SHISA9: variants seen among roughly 807,000 people sequenced by gnomAD.
The protein encoded by SHISA9 is protein shisa-9.
A neutral mutation model predicts 38.0 loss-of-function variants in SHISA9; 13 were observed. The observed-to-expected ratio is 0.34, with a 90% CI of 0.22 to 0.54. The LOEUF is 0.54. SHISA9 is among the 20% of genes least tolerant of loss of function. The probability of loss-of-function intolerance (pLI) is 0.91; values close to 1 mark genes in which losing one functional copy is unlikely to be tolerated. For synonymous variants in SHISA9, 275 were observed against 242.0 expected (o/e 1.14, Z -1.27); for missense variants, 538 against 575.8 (o/e 0.93, Z 0.67).
At chr16:13,213,619 T>C (rs1451963549) in intron 4 of SHISA9, among the ~76,000 whole-genome samples, 1 of 151,118 alleles carries the variant, frequency 6.6e-6, no homozygotes, top group East Asian at 1.9e-4. Context: ...CAATGGCAAA[T>C]GGCAAAACAC....
intron 2 of SHISA9, among the ~76,000 whole-genome samples, chr16:13,086,276 A>AC (rs1431169886): frequency 6.9e-6 from 1 of 144,936 alleles, no homozygotes; most frequent in Non-Finnish European, 1.5e-5. Flanking sequence ...AATTGCTTGA[A>AC]CCCGGGAGGC....
In SHISA9 at chr16:13,204,739, A is replaced by T. The variant is rs74941626; in HGVS notation, c.847+1190A>T. 9 of 152,362 alleles carry T rather than the reference A, an allele frequency of 5.9e-5. No homozygotes were observed. In the East Asian group the frequency reaches 1.7e-3, roughly 29 times the overall value. 9.4% of individuals were successfully genotyped at this position (152,362 alleles called of 1,614,324 possible). On this transcript the variant is annotated intron_variant, in intron 3 of 4. Coordinates refer to ENST00000558583, the MANE Select transcript of SHISA9 (RefSeq NM_001145204.3). ...TTTTCTCATAGTGATTCCAAGGTGA[A>T]GACACAATGATTATCCCAATTACCA...
intron 3 of SHISA9, among the ~76,000 whole-genome samples, chr16:13,212,137 T>C (rs1224474515): frequency 6.6e-6 from 1 of 152,172 alleles, no homozygotes; most frequent in East Asian, 1.9e-4. Flanking sequence ...TCTGTAATCA[T>C]TCAGATGACA....
At chr16:13,363,564 ATG>A in the SHISA9 span, among the ~76,000 whole-genome samples, 1 of 152,190 alleles carries the variant, frequency 6.6e-6, no homozygotes, top group African/African-American at 2.4e-5. Context: ...ATGAAAAACT[ATG>A]TGCAAAGAAG....
chr16:13,285,218 G>A, the SHISA9 span, among the ~76,000 whole-genome samples: 1 of 152,200 alleles, frequency 6.6e-6, no homozygotes, highest in South Asian at 2.1e-4. Flanking sequence ...GGCTCAATAA[G>A]TTACTTCATT....
intron 4 of SHISA9, among the ~76,000 whole-genome samples, chr16:13,222,811 T>C (rs1404204672): frequency 9.8e-5 from 9 of 92,304 alleles, no homozygotes; most frequent in Non-Finnish European, 1.7e-4. Context: ...TATATATATA[T>C]ACATACACAC....
At chr16:12,927,766 C>G (rs548688733) in intron 2 of SHISA9, among the ~76,000 whole-genome samples, 1 of 151,994 alleles carries the variant, frequency 6.6e-6, no homozygotes, top group African/African-American at 2.4e-5. Flanking sequence ...GCTCCCACCC[C>G]CCATAGATCT....
intron 2 of SHISA9, among the ~76,000 whole-genome samples, chr16:12,937,138 G>A (rs1351230266): frequency 6.6e-6 from 1 of 152,146 alleles, no homozygotes; most frequent in African/African-American, 2.4e-5. Flanking sequence ...ATGATTTGTG[G>A]AGCTTGGAAT....
At chr16:13,279,313 A>G in the SHISA9 span, among the ~76,000 whole-genome samples, 1 of 151,922 alleles carries the variant, frequency 6.6e-6, no homozygotes, top group Non-Finnish European at 1.5e-5. Flanking sequence ...GGCTTATCAT[A>G]TGGTCTATAT....
chr16:13,264,327 A>C, the SHISA9 span, among the ~76,000 whole-genome samples: 2 of 152,018 alleles, frequency 1.3e-5, no homozygotes, highest in African/African-American at 4.8e-5. Flanking sequence ...GGTGGACGCC[A>C]CCATGCCTAA....
intron 2 of SHISA9, among the ~76,000 whole-genome samples, chr16:13,176,948 A>T (rs1312397088): frequency 2.0e-5 from 3 of 152,052 alleles, no homozygotes; most frequent in East Asian, 1.9e-4. Context: ...GCTGGGGAGG[A>T]CACATGACTC....
At chr16:13,227,436 C>T (rs1033766963) in intron 4 of SHISA9, among the ~76,000 whole-genome samples, 1 of 152,182 alleles carries the variant, frequency 6.6e-6, no homozygotes, top group African/African-American at 2.4e-5. Context: ...TCAACCATTG[C>T]TCCCAAATTT....
At chr16:13,419,328 G>A in the SHISA9 span, among the ~76,000 whole-genome samples, 9 of 152,276 alleles carry the variant, frequency 5.9e-5, no homozygotes, top group Non-Finnish European at 1.2e-4. Context: ...CTGGAAGCTG[G>A]AAATTTGATC....
intron 4 of SHISA9, among the ~76,000 whole-genome samples, chr16:13,226,515 A>T (rs1046087721): frequency 6.6e-6 from 1 of 152,204 alleles, no homozygotes; most frequent in African/African-American, 2.4e-5. Flanking sequence ...AGGTTCTTGA[A>T]GCTACTCGGC....
At chr16:13,122,771 G>T (rs906247113) in intron 2 of SHISA9, among the ~76,000 whole-genome samples, 2 of 152,234 alleles carry the variant, frequency 1.3e-5, no homozygotes, top group East Asian at 3.8e-4. Context: ...AAAGGGCTGG[G>T]CATGGTGATT....
chr16:13,260,600 C>T, the SHISA9 span, among the ~76,000 whole-genome samples: 3 of 152,172 alleles, frequency 2.0e-5, no homozygotes, highest in Admixed American at 6.5e-5. Context: ...GAGACCACCT[C>T]AGCCTGGACC....
At chr16:12,920,196 A>G (rs1436937383) in intron 2 of SHISA9, among the ~76,000 whole-genome samples, 1 of 152,002 alleles carries the variant, frequency 6.6e-6, no homozygotes, top group Non-Finnish European at 1.5e-5. Flanking sequence ...GGGGAGGGAT[A>G]GCATCAGGAG....
chr16:13,360,198 A>G, the SHISA9 span, among the ~76,000 whole-genome samples: 1 of 152,370 alleles, frequency 6.6e-6, no homozygotes, highest in African/African-American at 2.4e-5. Flanking sequence ...GAAATGAGTT[A>G]GTGCAAGACC....
chr16:13,311,647 T>C, the SHISA9 span, among the ~76,000 whole-genome samples: 1 of 152,146 alleles, frequency 6.6e-6, no homozygotes, highest in Admixed American at 6.5e-5. Flanking sequence ...TGACATACAA[T>C]GTCCACTCCA....
Sources: allele counts gnomAD v4.1 joint callset (sites outside exome capture counted in the v4.1 genomes callset), GRCh38; gene constraint gnomAD v4.1.1; transcripts MANE v1.5; gene names NCBI Gene and HGNC (gene_info 2026-07-23, HGNC 2026-07-21).